Variants in CD74 observed in about 807,000 individuals in gnomAD.
CD74 encodes CD74 molecule, also known as HLA class II histocompatibility antigen gamma chain.
CD74 carries 20 observed loss-of-function variants against 37.1 expected under a neutral mutation model. That is an observed-to-expected ratio of 0.54 (90% CI 0.38 to 0.78). The LOEUF is 0.78. CD74 is among the 30% of genes least tolerant of loss of function. The probability of loss-of-function intolerance (pLI) is 0.00; values close to 1 mark genes in which losing one functional copy is unlikely to be tolerated. For missense variants in CD74, 338 were observed against 389.5 expected (o/e 0.87, Z 1.11); for synonymous variants, 150 against 152.0 (o/e 0.99, Z 0.10).
rs1332577317 is a variant in CD74 at position 150,403,352 on chromosome 5, A to G, written c.626-40T>C. On this transcript the variant is annotated intron_variant, in intron 6 of 8. Transcript: ENST00000009530. This position sits in a 1 kb window ranked among gnomAD's most constrained non-coding sequence, Gnocchi z 4.5. ...ATGATGAGGACACAGTGAGTGAGTG[A>G]GCTCTGAACCAGGGTCTGAGCAGAG... 1.3e-6 allele frequency: 2 copies of G among 1,572,006 alleles called. No individual in the cohort carries two copies. Among genetic ancestry groups the G allele is most frequent in the South Asian group, 2.2e-5 (2 of 90,304 alleles).
chr5:150,402,648 T>C lies in CD74; in HGVS notation c.818-23A>G, dbSNP rs2151167587. ...ACTCTGCAAAGGAGCAGCAAGTCCGTTTGTCACTTGAAGTGCAGCCTACCT... is the reference window on the plus strand; with the variant it reads ...ACTCTGCAAAGGAGCAGCAAGTCCGCTTGTCACTTGAAGTGCAGCCTACCT... On this transcript the variant is annotated intron_variant, in intron 7 of 8. Transcript: ENST00000009530. This position sits in a 1 kb window ranked among gnomAD's most constrained non-coding sequence, Gnocchi z 4.2. 1 of 1,591,388 alleles carries C rather than the reference T, an allele frequency of 6.3e-7. No homozygotes were observed. The highest frequency in any genetic ancestry group is 8.6e-7 in the Non-Finnish European group (1 of 1,166,324).
chr5:150,403,782 C>T lies in CD74; in HGVS notation c.626-470G>A, dbSNP rs769614926. Among the ~76,000 whole-genome samples, 1 of 152,222 alleles carries T rather than the reference C, an allele frequency of 6.6e-6. No individual in the cohort carries two copies. Among genetic ancestry groups the T allele is most frequent in the Non-Finnish European group, 1.5e-5 (1 of 68,036 alleles). ...GCCGAGGCAGGAGAATTGCTTGAACCCGGGAGGCTGAGGTTGCAGTGAGCT... is the reference window on the plus strand; with the variant it reads ...GCCGAGGCAGGAGAATTGCTTGAACTCGGGAGGCTGAGGTTGCAGTGAGCT... On this transcript the variant is annotated intron_variant, in intron 6 of 8. Coordinates refer to ENST00000009530, the MANE Select transcript of CD74 (RefSeq NM_001025159.3). The surrounding 1 kb of genome is among the most constrained non-coding windows in gnomAD (Gnocchi z 4.5).
chr5:150,406,890 C>T lies in CD74; in HGVS notation c.369G>A (p.Leu123=), dbSNP rs11548093. The change falls in exon 3 of 9, where the codon CTG becomes CTA. Residue 123 remains leucine, a synonymous_variant. Coordinates refer to ENST00000009530, the MANE Select transcript of CD74 (RefSeq NM_001025159.3). The part of the protein sequence containing the change: ...LLMQALPMGA[L]PQGPMQNATK... ...CTGGGGCTGTCCTTACCCCCTGGGG[C>T]AGGGCTCCCATGGGCAGCGCCTGCA... The T allele has an allele frequency of 3.3e-6, 5 of 1,508,466 alleles. No individual in the cohort carries two copies. In the South Asian group the frequency reaches 5.6e-5, roughly 17 times the overall value. The allele number at this position is 1,508,466 out of a possible 1,614,324, so 93.4% of individuals were successfully genotyped here. A position where few individuals can be genotyped will look rare whatever the true frequency, so the allele number is the denominator to read the frequency against.
intron 6 of CD74, 49 bp downstream of exon 6, chr5:150,404,631 C>T (rs2151176675): frequency 1.7e-6 from 2 of 1,211,696 alleles, no homozygotes; most frequent in Non-Finnish European, 2.4e-6. Flanking sequence ...TTCAGGAGAG[C>T]CCCGAGGGTC....
rs773751741 is a variant in CD74, at chr5:150,403,336, A to G, written c.626-24T>C. 6.2e-7 allele frequency: 1 copy of G among 1,608,040 alleles called. No individual in the cohort carries two copies. The highest frequency in any genetic ancestry group is 8.5e-7 in the Non-Finnish European group (1 of 1,174,570). ...TACTGAAGCGACAGGCATGATGAGGACACAGTGAGTGAGTGAGCTCTGAAC... is the reference window on the plus strand; with the variant it reads ...TACTGAAGCGACAGGCATGATGAGGGCACAGTGAGTGAGTGAGCTCTGAAC... On this transcript the variant is annotated intron_variant, in intron 6 of 8. Transcript: ENST00000009530. The surrounding 1 kb of genome is among the most constrained non-coding windows in gnomAD (Gnocchi z 4.5).
Position 150,402,729 on chromosome 5 carries a change from G to C in CD74, c.818-104C>G, listed in dbSNP as rs1382954630. The C allele has an allele frequency of 3.1e-6, 3 of 964,820 alleles. No homozygotes were observed. Among genetic ancestry groups the C allele is most frequent in the Non-Finnish European group, 4.8e-6 (3 of 630,650 alleles). The allele number at this position is 964,820 out of a possible 1,614,324, so 59.8% of individuals were successfully genotyped here. On this transcript the variant is annotated intron_variant, in intron 7 of 8. Transcript: ENST00000009530. This position sits in a 1 kb window ranked among gnomAD's most constrained non-coding sequence, Gnocchi z 4.2. ...ACCTAGCCACAGGCTTAGTGCCTGG[G>C]AAAGCAGGTACCCAGGGAAGGACAG...
chr5:150,408,120 T>C (rs745864022), intron 1 of CD74, among the ~76,000 whole-genome samples: 2 of 151,620 alleles, frequency 1.3e-5, no homozygotes, highest in South Asian at 2.1e-4. Context: ...CCAAAAAAAA[T>C]TGTATGTGCT....
chr5:150,403,393 C>T lies in CD74; in HGVS notation c.626-81G>A, dbSNP rs1769760308. 6 of 1,240,524 alleles carry T rather than the reference C, an allele frequency of 4.8e-6. No homozygotes were observed. In the South Asian group the frequency reaches 6.2e-5, roughly 13 times the overall value. The allele number at this position is 1,240,524 out of a possible 1,614,324, so 76.8% of individuals were successfully genotyped here. ...CTGAGCAGAGCTAAAGACCCACACACCACTGCTGTGGGCTTAATGCCTTCT... is the reference window on the plus strand; with the variant it reads ...CTGAGCAGAGCTAAAGACCCACACATCACTGCTGTGGGCTTAATGCCTTCT... On this transcript the variant is annotated intron_variant, in intron 6 of 8. Coordinates refer to ENST00000009530, the MANE Select transcript of CD74 (RefSeq NM_001025159.3). The surrounding 1 kb of genome is among the most constrained non-coding windows in gnomAD (Gnocchi z 4.5).
intron 1 of CD74, among the ~76,000 whole-genome samples, chr5:150,409,441 C>A (rs956705165): frequency 1.3e-5 from 2 of 151,934 alleles, no homozygotes; most frequent in Non-Finnish European, 1.5e-5. Context: ...GCAGGAGAAT[C>A]CCTTGAACCT....
At chr5:150,410,092 A>G (rs1422485947) in intron 1 of CD74, among the ~76,000 whole-genome samples, 1 of 137,810 alleles carries the variant, frequency 7.3e-6, no homozygotes, top group East Asian at 2.6e-4. Flanking sequence ...GGAAGTGGGG[A>G]GACCAGACAG....
At chr5:150,404,358 A>G (rs572000002) in intron 6 of CD74, 15 of 307,090 alleles carry the variant, frequency 4.9e-5, no homozygotes, top group East Asian at 2.3e-4. Flanking sequence ...TCCTTTCTGC[A>G]GTGTTTCGGG....
rs1052494452 is a variant in CD74, at chr5:150,403,405, G to C, written c.626-93C>G. On this transcript the variant is annotated intron_variant, in intron 6 of 8. Coordinates refer to ENST00000009530, the MANE Select transcript of CD74 (RefSeq NM_001025159.3). The surrounding 1 kb of genome is among the most constrained non-coding windows in gnomAD (Gnocchi z 4.5). Reference sequence around the variant, plus strand: ...AAAGACCCACACACCACTGCTGTGGGCTTAATGCCTTCTTCCCAAGTGGCT... The same window carrying C: ...AAAGACCCACACACCACTGCTGTGGCCTTAATGCCTTCTTCCCAAGTGGCT... 19 of 1,124,466 alleles carry C rather than the reference G, an allele frequency of 1.7e-5. No homozygotes were observed. In the Admixed American group the frequency reaches 2.9e-4, roughly 17 times the overall value. The allele number at this position is 1,124,466 out of a possible 1,614,324, so 69.7% of individuals were successfully genotyped here.
chr5:150,412,401 A>T (rs1770395986), intron 1 of CD74, among the ~76,000 whole-genome samples: 1 of 152,342 alleles, frequency 6.6e-6, no homozygotes, highest in South Asian at 2.1e-4. Context: ...GATGCAAGGA[A>T]AGTTACAAAC....
Position 150,403,128 on chromosome 5 carries a change from GTTATGGTGCCCGCGGC to G in CD74, c.794_809del (p.Ser265ThrfsTer17). ...CACAGTGCCACTGCTTACCACTGCAGTTATGGTGCCCGCGGCTTCTGGTGTTGGGGACCTCCGTGCC... is the reference window on the plus strand; with the variant it reads ...CACAGTGCCACTGCTTACCACTGCAGTTCTGGTGTTGGGGACCTCCGTGCC... On this transcript the variant is annotated frameshift_variant, in exon 7 of 9. Transcript: ENST00000009530. LOFTEE classifies it high-confidence loss of function. This position sits in a 1 kb window ranked among gnomAD's most constrained non-coding sequence, Gnocchi z 4.5. 1 of 1,613,436 alleles carries G rather than the reference GTTATGGTGCCCGCGGC, an allele frequency of 6.2e-7. No homozygotes were observed. The highest frequency in any genetic ancestry group is 1.1e-5 in the South Asian group (1 of 91,046).
Position 150,405,166 on chromosome 5 carries a change from C to G in CD74, c.456G>C (p.Leu152=). The part of the protein sequence containing the change: ...VMHLLQNADP[L]KVYPPLKGSF... ...TCCCCTTCAGTGGCGGGTACACCTT[C>G]AGGGGGTCAGCATTCTACAGGGTAG... Residue 152 remains leucine (L), a synonymous_variant, in exon 5 of 9, where the codon CTG becomes CTC. Coordinates refer to ENST00000009530, the MANE Select transcript of CD74 (RefSeq NM_001025159.3). The G allele has an allele frequency of 6.2e-7, 1 of 1,605,290 alleles. No homozygotes were observed. The highest frequency in any genetic ancestry group is 8.5e-7 in the Non-Finnish European group (1 of 1,176,326).
intron 3 of CD74, 197 bp downstream of exon 3, chr5:150,406,684 G>A (rs1012733545): frequency 2.0e-4 from 120 of 587,474 alleles, no homozygotes; most frequent in Non-Finnish European, 3.2e-4. Flanking sequence ...CTTCCTCCCA[G>A]GGATGGCACC....
chr5:150,402,508 G>T lies in CD74; in HGVS notation c.880+55C>A, dbSNP rs1769695325. On this transcript the variant is annotated intron_variant, in intron 8 of 8. Transcript: ENST00000009530. This position sits in a 1 kb window ranked among gnomAD's most constrained non-coding sequence, Gnocchi z 4.2. Reference sequence around the variant, plus strand: ...TCCTTCACCTGCCCACAAAGGAGCTGGCCCTGCTGGGGATGAGCTGCTGGT... The same window carrying T: ...TCCTTCACCTGCCCACAAAGGAGCTTGCCCTGCTGGGGATGAGCTGCTGGT... The T allele has an allele frequency of 1.4e-6, 2 of 1,440,862 alleles. No homozygotes were observed. The highest frequency in any genetic ancestry group is 2.0e-6 in the Non-Finnish European group (2 of 1,021,662). 89.3% of individuals were successfully genotyped at this position (1,440,862 alleles called of 1,614,324 possible).
At position 150,401,811 on chromosome 5, in the gene CD74, A is replaced by G. The variant is rs1769628709; in HGVS notation, c.*429T>C. Reference sequence around the variant, plus strand: ...GAAGAGAGTGGCTCAGCCTGCAGGTAAATAGGCTAGAAAAGCCAAGGCCAA... The same window carrying G: ...GAAGAGAGTGGCTCAGCCTGCAGGTGAATAGGCTAGAAAAGCCAAGGCCAA... On this transcript the variant is annotated 3_prime_UTR_variant, in exon 9 of 9. Transcript: ENST00000009530. The G allele has an allele frequency of 3.2e-6, 2 of 626,896 alleles. No homozygotes were observed. The highest frequency in any genetic ancestry group is 2.5e-5 in the Admixed American group (1 of 39,298). 38.8% of individuals were successfully genotyped at this position (626,896 alleles called of 1,614,324 possible). A position where few individuals can be genotyped will look rare whatever the true frequency, so the allele number is the denominator to read the frequency against.
In CD74 at chr5:150,401,711, G is replaced by A. The variant is rs983462368; in HGVS notation, c.*529C>T. On this transcript the variant is annotated 3_prime_UTR_variant, in exon 9 of 9. Coordinates refer to ENST00000009530, the MANE Select transcript of CD74 (RefSeq NM_001025159.3). ...TGATAACAAGCTTGGCTGAGCAGAG[G>A]GAACTAGGGGTCGGCAGAAAGGATT... The A allele has an allele frequency of 5.3e-6, 3 of 568,984 alleles. No individual in the cohort carries two copies. Among genetic ancestry groups the A allele is most frequent in the African/African-American group, 1.9e-5 (1 of 53,364 alleles). The allele number at this position is 568,984 out of a possible 1,614,324, so 35.2% of individuals were successfully genotyped here.
Sources: gnomAD v4.1 joint callset for allele counts (sites outside exome capture counted in the v4.1 genomes callset) on GRCh38, gnomAD v4.1.1 for gene constraint, Gnocchi (gnomAD v3.1) non-coding constraint, MANE v1.5 for transcripts, NCBI Gene and HGNC (gene_info 2026-07-23, HGNC 2026-07-21) for gene names.